The following MISP variants were observed in gnomAD, a reference collection of about 807,000 sequenced individuals.
MISP encodes mitotic spindle positioning.
Under a neutral mutation model 49.3 loss-of-function variants are expected in MISP, and 51 were observed. The ratio of observed to expected loss-of-function variants is 1.03; its 90% CI spans 0.83 to 1.31. The LOEUF (loss-of-function observed/expected upper bound fraction) is 1.31, where lower values mean the gene tolerates loss of function less well. Among genes scored for constraint, MISP ranks in the 50% most tolerant of loss-of-function variants. The pLI is 0.00. For missense variants in MISP, 1,084 were observed against 935.1 expected (o/e 1.16, Z -2.08); for synonymous variants, 444 against 392.6 (o/e 1.13, Z -1.55).
Position 757,630 on chromosome 19 carries a change from C to T in MISP, c.684C>T (p.Ser228=), listed in dbSNP as rs778052440. The change falls in exon 2 of 5, where the codon AGC becomes AGT. Residue 228 remains serine (S), a synonymous_variant. Coordinates refer to ENST00000215582, the MANE Select transcript of MISP (RefSeq NM_173481.4). ...CTGCAGGCACAACCCCAGGGGCCAG[C>T]CAGGCCCCCAAGGCCTTCAACAAGC... ...GTPAGTTPGA[S]QAPKAFNKPH... 1.2e-6 allele frequency: 2 copies of T among 1,612,558 alleles called. No homozygotes were observed. The highest frequency in any genetic ancestry group is 1.1e-5 in the South Asian group (1 of 90,934).
Position 757,871 on chromosome 19 carries a change from G to C in MISP, c.925G>C (p.Glu309Gln). The C allele has an allele frequency of 6.2e-7, 1 of 1,609,512 alleles. No individual in the cohort carries two copies. Residue 309 changes from glutamate to glutamine, a missense_variant, in exon 2 of 5, where the codon GAG (glutamate) becomes CAG (glutamine). Physicochemically the swap from Glu to Gln is conservative, Grantham distance 29. Transcript: ENST00000215582. ...TCAGGAGCGTGAGGCAGACCTGCGA[G>C]AGCAGAGGGGGCTTCGGCAGGCAAC... ...LAQEREADLR[E>Q]QRGLRQATDH...
chr19:751,389 G>A (rs1363612406), intron 1 of MISP, among the ~76,000 whole-genome samples: 2 of 152,158 alleles, frequency 1.3e-5, no homozygotes, highest in Non-Finnish European at 2.9e-5. Flanking sequence ...GGCCTCAAGG[G>A]CACCCACTGG....
chr19:754,809 G>C (rs954175150), intron 1 of MISP, among the ~76,000 whole-genome samples: 1 of 152,194 alleles, frequency 6.6e-6, no homozygotes, highest in South Asian at 2.1e-4. Flanking sequence ...GAGAGCTGCA[G>C]GTAGAGGAGG....
rs185426632 is a variant in MISP, at chr19:760,527, G to A, written c.1911+488G>A. The A allele has an allele frequency of 4.8e-3, 745 of 154,412 alleles. 4 individuals are homozygous for A. Among genetic ancestry groups the A allele is most frequent in the Non-Finnish European group, 7.1e-3 (495 of 69,816 alleles). The allele number at this position is 154,412 out of a possible 1,614,324, so 9.6% of individuals were successfully genotyped here. A position where few individuals can be genotyped will look rare whatever the true frequency, so the allele number is the denominator to read the frequency against. Reference sequence around the variant, plus strand: ...ATTACAGGCGTGCACCACCACGCCCGGCTAATTTTTTTGTATTTTTAGTAG... The same window carrying A: ...ATTACAGGCGTGCACCACCACGCCCAGCTAATTTTTTTGTATTTTTAGTAG... On this transcript the variant is annotated intron_variant, in intron 3 of 4. Transcript: ENST00000215582.
rs371384413 is a variant in MISP, at chr19:757,466, G to A, written c.520G>A (p.Gly174Ser). 31 of 1,593,598 alleles carry A rather than the reference G, an allele frequency of 1.9e-5. No individual in the cohort carries two copies. Among genetic ancestry groups the A allele is most frequent in the Admixed American group, 3.6e-5 (2 of 55,236 alleles). ...TPDHGDPRTP[G>S]PPRSTPLEEN... ...TGACCACGGAGACCCCAGGACCCCC[G>A]GCCCACCTCGGTCCACGCCCCTGGA... Residue 174 changes from glycine (G) to serine (S), a missense_variant, in exon 2 of 5, where the codon GGC becomes AGC. Physicochemically the swap from Gly to Ser is moderately conservative, Grantham distance 56. Coordinates refer to ENST00000215582, the MANE Select transcript of MISP (RefSeq NM_173481.4).
rs553930795 is a variant in MISP at position 753,389 on chromosome 19, C to CTT, written c.-58+2232_-58+2233dup. On this transcript the variant is annotated intron_variant, in intron 1 of 4. Coordinates refer to ENST00000215582, the MANE Select transcript of MISP (RefSeq NM_173481.4). ...AGTTTTTCTTTTTTTTTCTTTTTTT[C>CTT]TTTTTTTTTTTTTTTGAGGCGGAGT... 3.3e-4 allele frequency among the ~76,000 whole-genome samples: 46 copies of CTT among 137,916 alleles called. 1 individual carries two copies. The highest frequency in any genetic ancestry group is 1.0e-3 in the African/African-American group (38 of 37,318). 90.5% of individuals were successfully genotyped at this position (137,916 alleles called of 152,430 possible).
chr19:761,652 A>G lies in MISP; in HGVS notation c.1939A>G (p.Ile647Val). The G allele has an allele frequency of 1.9e-6, 3 of 1,614,112 alleles. No individual in the cohort carries two copies. The highest frequency in any genetic ancestry group is 2.5e-6 in the Non-Finnish European group (3 of 1,180,006). ...CGCTGGCATCAACCCCTCGGACGGT[A>G]TCAACTCAGAGGTGAGTATGCTCCT... ...WYAGINPSDGINSEVLEAIRV... is the reference protein window; with the variant it reads ...WYAGINPSDGVNSEVLEAIRV... Residue 647 changes from isoleucine to valine, a missense_variant, in exon 4 of 5, where the codon ATC (isoleucine) becomes GTC (valine). By Grantham distance (29) the Ile-to-Val change is conservative. Coordinates refer to ENST00000215582, the MANE Select transcript of MISP (RefSeq NM_173481.4).
At position 757,378 on chromosome 19, in the gene MISP, G is replaced by A. The variant is rs1162326768; in HGVS notation, c.432G>A (p.Trp144Ter). The A allele has an allele frequency of 1.9e-6, 3 of 1,611,622 alleles. No individual in the cohort carries two copies. The highest frequency in any genetic ancestry group is 1.3e-5 in the African/African-American group (1 of 74,862). Residue 144 changes from tryptophan (W) to a stop codon, truncating the protein, a stop_gained, in exon 2 of 5, where the codon TGG becomes TGA. Transcript: ENST00000215582. LOFTEE classifies it high-confidence loss of function. ...RRLCDLERERWAVIQGQAVRK... is the reference protein window; with the variant it reads ...RRLCDLERER ...TGTGTGACCTGGAGCGGGAGCGCTG[G>A]GCCGTCATCCAGGGCCAGGCAGTCA...
At chr19:754,592 A>C (rs2144954434) in intron 1 of MISP, among the ~76,000 whole-genome samples, 1 of 152,400 alleles carries the variant, frequency 6.6e-6, no homozygotes, top group Admixed American at 6.5e-5. Flanking sequence ...ACGCTACCGC[A>C]GTCCAGCCTG....
chr19:763,588 T>A lies in MISP; in HGVS notation c.2038T>A (p.Ter680ArgextTer32). Residue 680 changes from the stop codon to arginine (R), a stop_lost, in exon 5 of 5, where the codon TGA (stop) becomes AGA (arginine). Coordinates refer to ENST00000215582, the MANE Select transcript of MISP (RefSeq NM_173481.4). ...SRIYASEEDD* is the reference protein window; with the variant it reads ...SRIYASEEDDR ...CATCTACGCCAGTGAGGAGGATGACTGAGCCTCGGGATGGGGCGCCCACCC... is the reference window on the plus strand; with the variant it reads ...CATCTACGCCAGTGAGGAGGATGACAGAGCCTCGGGATGGGGCGCCCACCC... 1 of 1,612,830 alleles carries A rather than the reference T, an allele frequency of 6.2e-7. No homozygotes were observed. Among genetic ancestry groups the A allele is most frequent in the Middle Eastern group, 1.7e-4 (1 of 6,042 alleles).
At chr19:753,299 A>G (rs754021360) in intron 1 of MISP, among the ~76,000 whole-genome samples, 4 of 151,974 alleles carry the variant, frequency 2.6e-5, no homozygotes, top group Non-Finnish European at 5.9e-5. Context: ...TAGTTTCAAC[A>G]CGGCTCCCCA....
At position 763,814 on chromosome 19, in the gene MISP, T is replaced by C. The variant is rs2033712726; in HGVS notation, c.*224T>C. On this transcript the variant is annotated 3_prime_UTR_variant, in exon 5 of 5. Transcript: ENST00000215582. ...GTTTCTGCCTTTGGGGTCTAAAGCTTTTGGGGATGAAATGGGACCCCTGCT... is the reference window on the plus strand; with the variant it reads ...GTTTCTGCCTTTGGGGTCTAAAGCTCTTGGGGATGAAATGGGACCCCTGCT... 3 of 539,910 alleles carry C rather than the reference T, an allele frequency of 5.6e-6. No homozygotes were observed. 33.4% of individuals were successfully genotyped at this position (539,910 alleles called of 1,614,324 possible). A position where few individuals can be genotyped will look rare whatever the true frequency, so the allele number is the denominator to read the frequency against.
intron 2 of MISP, 132 bp downstream of exon 2, chr19:758,858 C>A: frequency 1.5e-6 from 1 of 671,248 alleles, no homozygotes; most frequent in Non-Finnish European, 2.5e-6. Context: ...GACTGTTCAT[C>A]CCCTCAGTCG....
intron 1 of MISP, among the ~76,000 whole-genome samples, chr19:753,389 CTTTTTTTT>C (rs553930795): frequency 5.1e-5 from 7 of 137,920 alleles, no homozygotes; most frequent in Admixed American, 1.5e-4. Flanking sequence ...TTCTTTTTTT[CTTTTTTTT>C]TTTTTTTGAG....
chr19:757,248 A>T lies in MISP; in HGVS notation c.302A>T (p.Asp101Val). ...CAGGTTTACCGCCTGGGCGCCAGGG[A>T]TGCCCACCAGGGACGTCCAACATGG... Reference protein sequence around the residue: ...GWQVYRLGARDAHQGRPTWAL... With the variant: ...GWQVYRLGARVAHQGRPTWAL... The change falls in exon 2 of 5, where the codon GAT (aspartate) becomes GTT (valine). Residue 101 changes from aspartate to valine, a missense_variant. Transcript: ENST00000215582. The T allele has an allele frequency of 6.2e-7, 1 of 1,613,862 alleles. No homozygotes were observed. Among genetic ancestry groups the T allele is most frequent in the Non-Finnish European group, 8.5e-7 (1 of 1,179,976 alleles).
chr19:758,874 TTGTC>T lies in MISP; in HGVS notation c.1780+151_1780+154del. 4 of 626,498 alleles carry T rather than the reference TTGTC, an allele frequency of 6.4e-6. No homozygotes were observed. The Middle Eastern group carries it at 1.3e-3, about 200-fold the overall frequency. 38.8% of individuals were successfully genotyped at this position (626,498 alleles called of 1,614,324 possible). On this transcript the variant is annotated intron_variant, in intron 2 of 4. Transcript: ENST00000215582. ...ACTGTTCATCCCCTCAGTCGCTGGT[TTGTC>T]TGCCTGTCTATTAAAAATGTAGATT...
rs917015405 is a variant in MISP, at chr19:756,937, C to T, written c.-10C>T. 4 of 1,527,226 alleles carry T rather than the reference C, an allele frequency of 2.6e-6. No individual in the cohort carries two copies. The highest frequency in any genetic ancestry group is 2.7e-6 in the Non-Finnish European group (3 of 1,132,046). The allele number at this position is 1,527,226 out of a possible 1,614,324, so 94.6% of individuals were successfully genotyped here. A position where few individuals can be genotyped will look rare whatever the true frequency, so the allele number is the denominator to read the frequency against. On this transcript the variant is annotated 5_prime_UTR_variant, in exon 2 of 5. Transcript: ENST00000215582. ...ACGGGAGGAAGGCTGAGGCCAAGAC[C>T]CCGGAAGAGATGGACCGCGTGACCA... is the stretch of plus-strand genomic sequence containing the variant.
At chr19:759,847 C>T in intron 2 of MISP, 62 bp from the exon 3 acceptor site, 1 of 1,594,290 alleles carries the variant, frequency 6.3e-7, no homozygotes, top group Non-Finnish European at 8.6e-7. Flanking sequence ...GCTAGAGACT[C>T]TGTCTCCCGA....
Position 763,601 on chromosome 19 carries a change from G to A in MISP, c.*11G>A. 6 of 1,605,676 alleles carry A rather than the reference G, an allele frequency of 3.7e-6. No homozygotes were observed. Among genetic ancestry groups the A allele is most frequent in the Non-Finnish European group, 5.1e-6 (6 of 1,173,720 alleles). On this transcript the variant is annotated 3_prime_UTR_variant, in exon 5 of 5. Coordinates refer to ENST00000215582, the MANE Select transcript of MISP (RefSeq NM_173481.4). ...GAGGAGGATGACTGAGCCTCGGGAT[G>A]GGGCGCCCACCCCCTGCCCTGCCCT...
Sources: gnomAD v4.1 joint callset for allele counts (sites outside exome capture counted in the v4.1 genomes callset) on GRCh38, gnomAD v4.1.1 for gene constraint, MANE v1.5 for transcripts, NCBI Gene and HGNC (gene_info 2026-07-23, HGNC 2026-07-21) for gene names.